The following RBFOX3 variants were observed in gnomAD, a reference collection of about 807,000 sequenced individuals.
The protein encoded by RBFOX3 is RNA binding protein fox-1 homolog 3.
Under a neutral mutation model 48.7 loss-of-function variants are expected in RBFOX3, and 17 were observed. That is an observed-to-expected ratio of 0.35 (90% CI 0.24 to 0.52). The LOEUF is 0.52. Among genes scored for constraint, RBFOX3 ranks in the 20% least tolerant of loss-of-function variants. The pLI, the probability that RBFOX3 is intolerant of heterozygous loss-of-function variation, is 0.94. For missense variants in RBFOX3, 382 were observed against 497.5 expected (o/e 0.77, Z 2.21); for synonymous variants, 212 against 209.5 (o/e 1.01, Z -0.10).
chr17:79,215,099 C>G (rs1385986807), intron 4 of RBFOX3, among the ~76,000 whole-genome samples: 2 of 152,170 alleles, frequency 1.3e-5, no homozygotes, highest in African/African-American at 4.8e-5. Context: ...GGGCAATGTT[C>G]ACACACCCCA....
intron 3 of RBFOX3, among the ~76,000 whole-genome samples, chr17:79,305,736 G>A (rs1302692588): frequency 1.3e-5 from 2 of 152,202 alleles, no homozygotes; most frequent in African/African-American, 2.4e-5. Flanking sequence ...GGGAGCCTCC[G>A]CTGGGCCATT....
chr17:79,429,198 C>G (rs1225747195), intron 2 of RBFOX3, among the ~76,000 whole-genome samples: 1 of 152,266 alleles, frequency 6.6e-6, no homozygotes, highest in Non-Finnish European at 1.5e-5. Flanking sequence ...TCAGGGACAC[C>G]AGCACAGAGC....
At chr17:79,626,444 G>A in the RBFOX3 span, among the ~76,000 whole-genome samples, 1 of 152,232 alleles carries the variant, frequency 6.6e-6, no homozygotes. Context: ...GCTTCTGCAG[G>A]GAAGGAATGG....
chr17:79,179,918 T>C (rs2051497623), intron 4 of RBFOX3, among the ~76,000 whole-genome samples: 1 of 152,208 alleles, frequency 6.6e-6, no homozygotes, highest in African/African-American at 2.4e-5. Flanking sequence ...GGGGCTACCC[T>C]TCAGGGAGCT....
At chr17:79,591,300 C>CG (rs1352901352) in intron 1 of RBFOX3, among the ~76,000 whole-genome samples, 2 of 152,156 alleles carry the variant, frequency 1.3e-5, no homozygotes, top group African/African-American at 4.8e-5. Context: ...CCACCTGCCT[C>CG]GGGGGCTTCC....
At chr17:79,143,818 C>T (rs1679313778) in intron 4 of RBFOX3, among the ~76,000 whole-genome samples, 2 of 152,212 alleles carry the variant, frequency 1.3e-5, no homozygotes, top group Admixed American at 6.5e-5. Flanking sequence ...CATGAAGACC[C>T]CCTCCATTTT....
intron 3 of RBFOX3, among the ~76,000 whole-genome samples, chr17:79,261,712 T>A (rs937075500): frequency 3.3e-5 from 5 of 152,128 alleles, no homozygotes; most frequent in Admixed American, 1.3e-4. Flanking sequence ...GGCAGGACCC[T>A]CCCTATCCCA....
At chr17:79,589,273 G>A (rs1041735146) in intron 1 of RBFOX3, among the ~76,000 whole-genome samples, 2 of 146,766 alleles carry the variant, frequency 1.4e-5, no homozygotes, top group Admixed American at 6.9e-5. Context: ...TCTTCTGGGG[G>A]CTCTGAGCGA....
At chr17:79,538,030 C>T (rs1478570499) in intron 1 of RBFOX3, among the ~76,000 whole-genome samples, 24 of 152,190 alleles carry the variant, frequency 1.6e-4, no homozygotes, top group African/African-American at 3.6e-4. Context: ...GCAAGGCCTC[C>T]GTACTCAGGA....
the RBFOX3 span, among the ~76,000 whole-genome samples, chr17:79,632,068 C>T: frequency 2.6e-5 from 4 of 152,200 alleles, no homozygotes; most frequent in Non-Finnish European, 5.9e-5. Context: ...GAGCCCTCCG[C>T]GCTGCAGGAA....
In RBFOX3 at chr17:79,537,924, G is replaced by T. The variant is rs59432142; in HGVS notation, c.-319-55326C>A. 3.9e-5 allele frequency among the ~76,000 whole-genome samples: 6 copies of T among 152,296 alleles called. No homozygotes were observed. The East Asian group carries it at 1.2e-3, about 30-fold the overall frequency. On this transcript the variant is annotated intron_variant, in intron 1 of 14. Transcript: ENST00000693108. The stretch of plus-strand genomic sequence containing the variant: ...AGATGAACACACCTGGAGGCCCAAG[G>T]CATGTCCACACCCCCCGAGGAGATG...
chr17:79,615,624 G>A (rs2093990741), upstream of RBFOX3, among the ~76,000 whole-genome samples: 1 of 152,214 alleles, frequency 6.6e-6, no homozygotes, highest in African/African-American at 2.4e-5. Flanking sequence ...GCCGGCTCGG[G>A]CCGTGTTGCA....
intron 3 of RBFOX3, among the ~76,000 whole-genome samples, chr17:79,288,561 T>A (rs2072531520): frequency 6.6e-6 from 1 of 151,544 alleles, no homozygotes; most frequent in Non-Finnish European, 1.5e-5. Context: ...TGATGGGCAG[T>A]TTCCGTCCTT....
chr17:79,103,376 G>A lies in RBFOX3; in HGVS notation c.415-122C>T, dbSNP rs535014801. 1.6e-5 allele frequency: 11 copies of A among 700,636 alleles called. No individual in the cohort carries two copies. In the East Asian group the frequency reaches 2.5e-4, roughly 16 times the overall value. 43.4% of individuals were successfully genotyped at this position (700,636 alleles called of 1,614,324 possible). A position where few individuals can be genotyped will look rare whatever the true frequency, so the allele number is the denominator to read the frequency against. On this transcript the variant is annotated intron_variant, in intron 7 of 14. Coordinates refer to ENST00000693108, the MANE Select transcript of RBFOX3 (RefSeq NM_001350451.2). This position sits in a 1 kb window ranked among gnomAD's most constrained non-coding sequence, Gnocchi z 6.1. Reference sequence around the variant, plus strand: ...GGGGAGTGGGGAGAGAGAGAGAAGGGGTTGAGTCAGGTGAGTTGAGGCAGA... The same window carrying A: ...GGGGAGTGGGGAGAGAGAGAGAAGGAGTTGAGTCAGGTGAGTTGAGGCAGA...
the RBFOX3 span, among the ~76,000 whole-genome samples, chr17:79,616,159 G>A: frequency 2.6e-5 from 4 of 152,298 alleles, no homozygotes; most frequent in East Asian, 1.9e-4. Flanking sequence ...TGATGTCACC[G>A]CCATTGGCTG....
chr17:79,414,856 G>T (rs1455122300), intron 2 of RBFOX3, among the ~76,000 whole-genome samples: 2 of 152,260 alleles, frequency 1.3e-5, no homozygotes, highest in African/African-American at 4.8e-5. Context: ...GAGGAACCAT[G>T]CAGCAACCCC....
intron 2 of RBFOX3, among the ~76,000 whole-genome samples, chr17:79,462,366 GGAAA>G (rs782083308): frequency 3.1e-4 from 47 of 152,306 alleles, no homozygotes; most frequent in Non-Finnish European, 5.1e-4. Context: ...TCTGTAGGGT[GGAAA>G]GAATGATTAA....
intron 3 of RBFOX3, among the ~76,000 whole-genome samples, chr17:79,246,782 C>T (rs147820434): frequency 2.7e-4 from 41 of 152,268 alleles, no homozygotes; most frequent in East Asian, 2.5e-3. Flanking sequence ...GGACCGAGGA[C>T]GCGGCCTCCC....
the RBFOX3 span, among the ~76,000 whole-genome samples, chr17:79,619,389 T>A: frequency 4.6e-5 from 7 of 152,126 alleles, no homozygotes; most frequent in African/African-American, 1.7e-4. Context: ...CCAGGGGGAC[T>A]CCCTCCCGTG....
Sources: allele counts gnomAD v4.1 joint callset (sites outside exome capture counted in the v4.1 genomes callset), GRCh38; gene constraint gnomAD v4.1.1; non-coding constraint Gnocchi (gnomAD v3.1); transcripts MANE v1.5; gene names NCBI Gene and HGNC (gene_info 2026-07-23, HGNC 2026-07-21).